Variants in SREK1IP1 observed in about 807,000 individuals in gnomAD.
SREK1IP1 encodes SREK1 interacting protein 1, also known as protein SREK1IP1.
In SREK1IP1, 12 loss-of-function variants were observed where a neutral mutation model predicts 22.8. That is an observed-to-expected ratio of 0.53 (90% confidence interval 0.34 to 0.85). SREK1IP1 has a LOEUF of 0.85. Among genes scored for constraint, SREK1IP1 ranks in the 40% least tolerant of loss-of-function variants. The pLI, the probability that SREK1IP1 is intolerant of heterozygous loss-of-function variation, is 0.02. For synonymous variants in SREK1IP1, 53 were observed against 52.7 expected (o/e 1.01, Z -0.02); for missense variants, 147 against 171.8 (o/e 0.86, Z 0.81).
chr5:64,755,741 A>C (rs1043384268), intron 1 of SREK1IP1, among the ~76,000 whole-genome samples: 5 of 152,106 alleles, frequency 3.3e-5, no homozygotes, highest in Non-Finnish European at 5.9e-5. Context: ...AATCTAGTAA[A>C]CAGTTAAGAG....
chr5:64,752,939 C>T (rs1356443461), intron 2 of SREK1IP1, among the ~76,000 whole-genome samples: 1 of 152,086 alleles, frequency 6.6e-6, no homozygotes, highest in African/African-American at 2.4e-5. Context: ...AATTGTTTAA[C>T]AACTAAATCA....
intron 3 of SREK1IP1, 124 bp from the exon 4 acceptor site, chr5:64,728,303 A>G: frequency 1.1e-6 from 1 of 944,538 alleles, no homozygotes; most frequent in East Asian, 4.3e-5. Flanking sequence ...AATTTTTGTA[A>G]TAATTTTCCC....
At chr5:64,733,681 A>G (rs995747486) in intron 3 of SREK1IP1, among the ~76,000 whole-genome samples, 1 of 152,158 alleles carries the variant, frequency 6.6e-6, no homozygotes, top group Admixed American at 6.5e-5. Flanking sequence ...ATAAAGACTT[A>G]CGTTCACCCA....
chr5:64,755,370 T>A (rs1259909879), intron 1 of SREK1IP1, among the ~76,000 whole-genome samples: 3 of 152,196 alleles, frequency 2.0e-5, no homozygotes, highest in Non-Finnish European at 4.4e-5. Context: ...TGGAATACTA[T>A]GAAGCCATAA....
At chr5:64,726,809 T>C (rs1438300177) in intron 4 of SREK1IP1, among the ~76,000 whole-genome samples, 1 of 152,164 alleles carries the variant, frequency 6.6e-6, no homozygotes, top group Non-Finnish European at 1.5e-5. Flanking sequence ...CTCATGTAAT[T>C]TATTGAATAC....
In SREK1IP1 at chr5:64,718,711, C is replaced by G. The variant is rs1377278318; in HGVS notation, c.*5673G>C. ...AGAAATCTAGAAATAAAACTAATTT[C>G]TGCAAATTATAATTTTTAAAGATTT... On this transcript the variant is annotated 3_prime_UTR_variant, in exon 5 of 5. Transcript: ENST00000513458. The G allele has an allele frequency of 1.3e-5, 2 of 151,904 alleles. No individual in the cohort carries two copies. Among genetic ancestry groups the G allele is most frequent in the African/African-American group, 4.8e-5 (2 of 41,358 alleles). 9.4% of individuals were successfully genotyped at this position (151,904 alleles called of 1,614,324 possible). A position where few individuals can be genotyped will look rare whatever the true frequency, so the allele number is the denominator to read the frequency against.
intron 1 of SREK1IP1, among the ~76,000 whole-genome samples, chr5:64,762,712 CA>C (rs1466095653): frequency 6.6e-6 from 1 of 152,086 alleles, no homozygotes; most frequent in East Asian, 1.9e-4. Context: ...ATGAGTTTCT[CA>C]ATGCAAGTAT....
chr5:64,761,322 A>C, intron 1 of SREK1IP1, among the ~76,000 whole-genome samples: 1 of 152,206 alleles, frequency 6.6e-6, no homozygotes, highest in East Asian at 1.9e-4. Context: ...ACAAATACTT[A>C]TTGATTTGAG....
At chr5:64,753,773 T>C (rs1200453361) in intron 2 of SREK1IP1, among the ~76,000 whole-genome samples, 1 of 152,198 alleles carries the variant, frequency 6.6e-6, no homozygotes, top group Non-Finnish European at 1.5e-5. Flanking sequence ...TAAAGAATAT[T>C]TACTTACAGT....
Position 64,721,178 on chromosome 5 carries a change from A to G in SREK1IP1, c.*3206T>C, listed in dbSNP as rs1742155825. The G allele has an allele frequency of 2.6e-5, 4 of 152,216 alleles. No homozygotes were observed. The South Asian group carries it at 8.3e-4, about 31-fold the overall frequency. 9.4% of individuals were successfully genotyped at this position (152,216 alleles called of 1,614,324 possible). On this transcript the variant is annotated 3_prime_UTR_variant, in exon 5 of 5. Transcript: ENST00000513458. ...TTTCTATAAACTCATGTTCATGTCA[A>G]TTACTGCACTAATTATATAACGGTG...
rs552558711 is a variant in SREK1IP1 at position 64,720,869 on chromosome 5, CG to C, written c.*3514del. 1.3e-5 allele frequency: 2 copies of C among 152,242 alleles called. No individual in the cohort carries two copies. The highest frequency in any genetic ancestry group is 2.9e-5 in the Non-Finnish European group (2 of 68,064). The allele number at this position is 152,242 out of a possible 1,614,324, so 9.4% of individuals were successfully genotyped here. On this transcript the variant is annotated 3_prime_UTR_variant, in exon 5 of 5. Coordinates refer to ENST00000513458, the MANE Select transcript of SREK1IP1 (RefSeq NM_173829.4). ...ACATTACAGTTCAAGCTCCCAAACA[CG>C]GAACACACGACTCCTTCCTCCTGTT...
At chr5:64,736,830 A>C (rs902076929) in intron 3 of SREK1IP1, among the ~76,000 whole-genome samples, 1 of 151,588 alleles carries the variant, frequency 6.6e-6, no homozygotes, top group Non-Finnish European at 1.5e-5. Flanking sequence ...AAACCTCTTC[A>C]TTCCTGGTAT....
chr5:64,723,541 T>C lies in SREK1IP1; in HGVS notation c.*843A>G, dbSNP rs1264393537. 1 of 152,634 alleles carries C rather than the reference T, an allele frequency of 6.6e-6. No individual in the cohort carries two copies. The highest frequency in any genetic ancestry group is 2.4e-5 in the African/African-American group (1 of 41,462). The allele number at this position is 152,634 out of a possible 1,614,324, so 9.5% of individuals were successfully genotyped here. On this transcript the variant is annotated 3_prime_UTR_variant, in exon 5 of 5. Coordinates refer to ENST00000513458, the MANE Select transcript of SREK1IP1 (RefSeq NM_173829.4). Reference sequence around the variant, plus strand: ...TCTAATAAAGATTTAGCTATCTTCCTAAATAAAAATTTCTGTGTTTGAGGT... The same window carrying C: ...TCTAATAAAGATTTAGCTATCTTCCCAAATAAAAATTTCTGTGTTTGAGGT...
At chr5:64,766,952 T>TA (rs1156769235) in intron 1 of SREK1IP1, among the ~76,000 whole-genome samples, 1 of 152,242 alleles carries the variant, frequency 6.6e-6, no homozygotes, top group Non-Finnish European at 1.5e-5. Flanking sequence ...ATTTCTCACT[T>TA]ACCTCCCATT....
intron 2 of SREK1IP1, among the ~76,000 whole-genome samples, chr5:64,745,812 T>C (rs1421806539): frequency 1.3e-5 from 2 of 150,748 alleles, no homozygotes; most frequent in African/African-American, 5.0e-5. Flanking sequence ...AAATAAAGTT[T>C]CTTACTGATT....
chr5:64,718,241 T>A lies in SREK1IP1; in HGVS notation c.*6143A>T, dbSNP rs942454283. 2.4e-6 allele frequency: 1 copy of A among 413,734 alleles called. No individual in the cohort carries two copies. Among genetic ancestry groups the A allele is most frequent in the Non-Finnish European group, 4.2e-6 (1 of 237,674 alleles). The allele number at this position is 413,734 out of a possible 1,614,324, so 25.6% of individuals were successfully genotyped here. A position where few individuals can be genotyped will look rare whatever the true frequency, so the allele number is the denominator to read the frequency against. On this transcript the variant is annotated 3_prime_UTR_variant, in exon 5 of 5. Coordinates refer to ENST00000513458, the MANE Select transcript of SREK1IP1 (RefSeq NM_173829.4). ...ATTTGCTAATTAAGATGTTTCTGTA[T>A]CACATGAGATTATGCTAATTATTCA...
intron 3 of SREK1IP1, among the ~76,000 whole-genome samples, chr5:64,732,415 A>G (rs1742395908): frequency 6.6e-6 from 1 of 152,212 alleles, no homozygotes; most frequent in East Asian, 1.9e-4. Flanking sequence ...TACAAAAATC[A>G]ATTTATTTTT....
At chr5:64,757,484 GA>G in intron 1 of SREK1IP1, among the ~76,000 whole-genome samples, 1 of 152,308 alleles carries the variant, frequency 6.6e-6, no homozygotes, top group East Asian at 1.9e-4. Context: ...ATACATTGGG[GA>G]AAAATTTGAG....
chr5:64,718,806 G>A lies in SREK1IP1; in HGVS notation c.*5578C>T, dbSNP rs112855604. Reference sequence around the variant, plus strand: ...TAACAGAATTCAACAGAAAAAAAAAGGGAATTATTTTAAGCAGCTCTACTG... The same window carrying A: ...TAACAGAATTCAACAGAAAAAAAAAAGGAATTATTTTAAGCAGCTCTACTG... On this transcript the variant is annotated 3_prime_UTR_variant, in exon 5 of 5. Coordinates refer to ENST00000513458, the MANE Select transcript of SREK1IP1 (RefSeq NM_173829.4). The A allele has an allele frequency of 2.0e-5, 3 of 152,066 alleles. No individual in the cohort carries two copies. The highest frequency in any genetic ancestry group is 7.2e-5 in the African/African-American group (3 of 41,494). The allele number at this position is 152,066 out of a possible 1,614,324, so 9.4% of individuals were successfully genotyped here. A position where few individuals can be genotyped will look rare whatever the true frequency, so the allele number is the denominator to read the frequency against.
Sources: gnomAD v4.1 joint callset for allele counts (sites outside exome capture counted in the v4.1 genomes callset) on GRCh38, gnomAD v4.1.1 for gene constraint, MANE v1.5 for transcripts, NCBI Gene and HGNC (gene_info 2026-07-23, HGNC 2026-07-21) for gene names.